The following HABP4 variants were observed in gnomAD, a reference collection of about 807,000 sequenced individuals.
HABP4 encodes the protein intracellular hyaluronan-binding protein 4.
A neutral mutation model predicts 44.1 loss-of-function variants in HABP4; 32 were observed. The observed-to-expected ratio is 0.73, with a 90% confidence interval of 0.55 to 0.97. The LOEUF (loss-of-function observed/expected upper bound fraction) is 0.97. Ranked by LOEUF, HABP4 falls within the 50% of genes least tolerant of loss-of-function variation. The probability of loss-of-function intolerance (pLI) is 0.00; values close to 1 mark genes in which losing one functional copy is unlikely to be tolerated. For missense variants in HABP4, 503 were observed against 561.9 expected (o/e 0.90, Z 1.06); for synonymous variants, 216 against 218.0 (o/e 0.99, Z 0.08).
At position 96,488,302 on chromosome 9, in the gene HABP4, A is replaced by G. The variant is rs1833012576; in HGVS notation, c.1185+28A>G. The G allele has an allele frequency of 1.3e-6, 2 of 1,539,032 alleles. No homozygotes were observed. Among genetic ancestry groups the G allele is most frequent in the Non-Finnish European group, 1.8e-6 (2 of 1,123,940 alleles). On this transcript the variant is annotated intron_variant, in intron 7 of 7. Transcript: ENST00000375249. This position sits in a 1 kb window ranked among gnomAD's most constrained non-coding sequence, Gnocchi z 4.6. ...AGGTGTCTGTATTGACGGTTTGGCGAAAGAAGTTAATAAGGACAGTGCCCT... is the reference window on the plus strand; with the variant it reads ...AGGTGTCTGTATTGACGGTTTGGCGGAAGAAGTTAATAAGGACAGTGCCCT...
intron 4 of HABP4, 144 bp downstream of exon 4, chr9:96,465,922 G>T: frequency 1.7e-6 from 1 of 597,830 alleles, no homozygotes; most frequent in East Asian, 2.8e-5. Context: ...CTTTTGTTTC[G>T]TGAGATAAGT....
At chr9:96,456,771 AAAAAAAAAAATATATATATATAT>A (rs1832388624) in intron 1 of HABP4, among the ~76,000 whole-genome samples, 5 of 70,740 alleles carry the variant, frequency 7.1e-5, no homozygotes, top group East Asian at 4.6e-4. Context: ...AAAAAAAAAA[AAAAAAAAAAATATATATATATAT>A]ATATATATAT....
At chr9:96,457,805 T>G (rs1832420679) in intron 1 of HABP4, among the ~76,000 whole-genome samples, 1 of 152,176 alleles carries the variant, frequency 6.6e-6, no homozygotes, top group African/African-American at 2.4e-5. Context: ...GAGGCGGAGA[T>G]TGCAGTGAGC....
chr9:96,466,365 G>A (rs1045352007), intron 4 of HABP4, among the ~76,000 whole-genome samples: 1 of 151,972 alleles, frequency 6.6e-6, no homozygotes, highest in African/African-American at 2.4e-5. Flanking sequence ...GCGAGACACA[G>A]CATCTCAAAA....
At chr9:96,487,625 G>C (rs1832998432) in intron 6 of HABP4, among the ~76,000 whole-genome samples, 1 of 152,180 alleles carries the variant, frequency 6.6e-6, no homozygotes, top group Admixed American at 6.5e-5. Flanking sequence ...TCTGTTCTGG[G>C]AAGGGGATAT....
intron 5 of HABP4, chr9:96,483,744 A>G (rs1020954914): frequency 2.6e-5 from 4 of 152,214 alleles, no homozygotes; most frequent in Non-Finnish European, 4.4e-5. Flanking sequence ...GGAAGAAACC[A>G]TTGCCCAGTC....
chr9:96,465,405 G>A lies in HABP4; in HGVS notation c.581G>A (p.Gly194Asp). ...GRGGPRGGMR[G>D]RGRGGPGNRV... Reference sequence around the variant, plus strand: ...GGAGGCCCGAGAGGGGGTATGCGCGGCAGAGGCAGAGGTGGCCCTGGGAAC... The same window carrying A: ...GGAGGCCCGAGAGGGGGTATGCGCGACAGAGGCAGAGGTGGCCCTGGGAAC... Residue 194 changes from glycine to aspartate, a missense_variant, in exon 3 of 8, where the codon GGC becomes GAC. Physicochemically the swap from Gly to Asp is moderately conservative, Grantham distance 94. Around this residue, in one of 3 missense-constraint regions of HABP4, gnomAD observed 290 missense variants for 300.5 expected, o/e 0.97. Coordinates refer to ENST00000375249, the MANE Select transcript of HABP4 (RefSeq NM_014282.4). 1.2e-6 allele frequency: 2 copies of A among 1,608,560 alleles called. No individual in the cohort carries two copies. The highest frequency in any genetic ancestry group is 1.7e-6 in the Non-Finnish European group (2 of 1,174,886).
In HABP4 at chr9:96,450,593, G is replaced by T. The variant is rs1255076931; in HGVS notation, c.314G>T (p.Arg105Leu). ...RKSLPAPVAQ[R>L]PDSPGGGLQA... Reference sequence around the variant, plus strand: ...AGCCTCCCGGCGCCCGTCGCTCAGCGGCCCGATAGCCCCGGGGGCGGCCTG... The same window carrying T: ...AGCCTCCCGGCGCCCGTCGCTCAGCTGCCCGATAGCCCCGGGGGCGGCCTG... Residue 105 changes from arginine to leucine, a missense_variant, in exon 1 of 8, where the codon CGG becomes CTG. By Grantham distance (102) the Arg-to-Leu change is moderately radical. Transcript: ENST00000375249. This position sits in a 1 kb window ranked among gnomAD's most constrained non-coding sequence, Gnocchi z 4.8. The T allele has an allele frequency of 1.0e-5, 13 of 1,284,180 alleles. No individual in the cohort carries two copies. Among genetic ancestry groups the T allele is most frequent in the Non-Finnish European group, 1.3e-5 (13 of 1,015,880 alleles). 79.5% of individuals were successfully genotyped at this position (1,284,180 alleles called of 1,614,324 possible). A position where few individuals can be genotyped will look rare whatever the true frequency, so the allele number is the denominator to read the frequency against.
chr9:96,477,130 C>A (rs1431764874), intron 5 of HABP4, among the ~76,000 whole-genome samples: 3 of 152,112 alleles, frequency 2.0e-5, no homozygotes, highest in Admixed American at 6.6e-5. Flanking sequence ...ACTTCTGTGG[C>A]CTTAATGTAA....
intron 1 of HABP4, among the ~76,000 whole-genome samples, chr9:96,457,810 G>A (rs1487119298): frequency 6.6e-6 from 1 of 152,196 alleles, no homozygotes; most frequent in Admixed American, 6.5e-5. Context: ...GGAGATTGCA[G>A]TGAGCCAAGA....
At chr9:96,470,910 A>C (rs1353960355) in intron 4 of HABP4, 101 bp from the exon 5 acceptor site, 8 of 721,674 alleles carry the variant, frequency 1.1e-5, no homozygotes, top group Non-Finnish European at 1.9e-5. Flanking sequence ...AAAAAAAAAA[A>C]CCCAAAAAAC....
At chr9:96,470,297 ATTT>A (rs1265331837) in intron 4 of HABP4, among the ~76,000 whole-genome samples, 4 of 151,962 alleles carry the variant, frequency 2.6e-5, no homozygotes, top group African/African-American at 9.7e-5. Context: ...TGCCCAGCTA[ATTT>A]TTGTATTTTT....
At chr9:96,466,461 C>T (rs1587678376) in intron 4 of HABP4, among the ~76,000 whole-genome samples, 1 of 152,274 alleles carries the variant, frequency 6.6e-6, no homozygotes, top group Non-Finnish European at 1.5e-5. Context: ...GTCTTGAACT[C>T]CTGGGCTCAG....
rs1171715996 is a variant in HABP4, at chr9:96,490,394, C to T, written c.*356C>T. Reference sequence around the variant, plus strand: ...AGACTCTTAGGAAGCAGTAGATTCCCGGGGGCTGTGCCTTTAGCGTTAGAG... The same window carrying T: ...AGACTCTTAGGAAGCAGTAGATTCCTGGGGGCTGTGCCTTTAGCGTTAGAG... On this transcript the variant is annotated 3_prime_UTR_variant, in exon 8 of 8. Coordinates refer to ENST00000375249, the MANE Select transcript of HABP4 (RefSeq NM_014282.4). The T allele has an allele frequency of 3.0e-5, 6 of 198,570 alleles. No homozygotes were observed. Among genetic ancestry groups the T allele is most frequent in the South Asian group, 3.2e-4 (2 of 6,238 alleles). The allele number at this position is 198,570 out of a possible 1,614,324, so 12.3% of individuals were successfully genotyped here. A position where few individuals can be genotyped will look rare whatever the true frequency, so the allele number is the denominator to read the frequency against.
chr9:96,450,809 T>C lies in HABP4; in HGVS notation c.349+181T>C, dbSNP rs1310717299. Among the ~76,000 whole-genome samples, 5 of 151,852 alleles carry C rather than the reference T, an allele frequency of 3.3e-5. No individual in the cohort carries two copies. The highest frequency in any genetic ancestry group is 1.3e-4 in the Admixed American group (2 of 15,270). On this transcript the variant is annotated intron_variant, in intron 1 of 7. Coordinates refer to ENST00000375249, the MANE Select transcript of HABP4 (RefSeq NM_014282.4). This position sits in a 1 kb window ranked among gnomAD's most constrained non-coding sequence, Gnocchi z 4.8. ...CCCCTTCCAGCTCTCGCCAGCCTCG[T>C]GCGGGGCTCCGGGGGAAACGCTGGC...
At chr9:96,485,576 C>T (rs763439441) in intron 6 of HABP4, among the ~76,000 whole-genome samples, 6 of 152,198 alleles carry the variant, frequency 3.9e-5, no homozygotes, top group African/African-American at 7.2e-5. Flanking sequence ...TCACGGCTTA[C>T]GTCCAGCTCT....
intron 5 of HABP4, among the ~76,000 whole-genome samples, chr9:96,481,569 C>T (rs1490716456): frequency 6.6e-6 from 1 of 151,766 alleles, no homozygotes; most frequent in Non-Finnish European, 1.5e-5. Context: ...ATGGAGAGAC[C>T]CCGTCTCTAC....
chr9:96,481,171 G>A (rs1207419505), intron 5 of HABP4, among the ~76,000 whole-genome samples: 12 of 152,140 alleles, frequency 7.9e-5, no homozygotes, highest in Admixed American at 6.5e-4. Flanking sequence ...TGCAACCTCC[G>A]CCTCCCGGGT....
chr9:96,476,214 C>T (rs1333696131), intron 5 of HABP4, among the ~76,000 whole-genome samples: 1 of 152,080 alleles, frequency 6.6e-6, no homozygotes, highest in African/African-American at 2.4e-5. Context: ...ACTATGTGAC[C>T]TCTCTCTGCC....
Sources: gnomAD v4.1 joint callset for allele counts (sites outside exome capture counted in the v4.1 genomes callset) on GRCh38, gnomAD v4.1.1 for gene constraint, gnomAD v4.1.1 regional missense constraint, Gnocchi (gnomAD v3.1) non-coding constraint, MANE v1.5 for transcripts, NCBI Gene and HGNC (gene_info 2026-07-23, HGNC 2026-07-21) for gene names.